The following TEX2 variants were observed in gnomAD, a reference collection of about 807,000 sequenced individuals.
The protein encoded by TEX2 is testis-expressed protein 2.
Under a neutral mutation model 106.9 loss-of-function variants are expected in TEX2, and 53 were observed. The observed-to-expected ratio is 0.50, with a 90% CI of 0.40 to 0.62. TEX2 has a LOEUF of 0.62. TEX2 is among the 20% of genes least tolerant of loss of function. The pLI, the probability that TEX2 is intolerant of heterozygous loss-of-function variation, is 0.00. For missense variants in TEX2, 1,207 were observed against 1,379.0 expected (o/e 0.88, Z 1.98); for synonymous variants, 523 against 534.8 (o/e 0.98, Z 0.30).
At chr17:64,221,271 T>C (rs2033352129) in intron 1 of TEX2, among the ~76,000 whole-genome samples, 1 of 152,116 alleles carries the variant, frequency 6.6e-6, no homozygotes, top group South Asian at 2.1e-4. Flanking sequence ...AACACCTAGG[T>C]TGACAGGTGC....
intron 1 of TEX2, among the ~76,000 whole-genome samples, chr17:64,229,216 T>A (rs900272370): frequency 3.2e-4 from 49 of 152,338 alleles, no homozygotes; most frequent in Admixed American, 3.1e-3. Flanking sequence ...TTTACTCTCC[T>A]AATTAACATT....
At chr17:64,190,255 C>T (rs2143875506) in intron 4 of TEX2, among the ~76,000 whole-genome samples, 1 of 151,894 alleles carries the variant, frequency 6.6e-6, no homozygotes, top group Non-Finnish European at 1.5e-5. Flanking sequence ...ATAAAAGCTA[C>T]ATCAAAAACA....
chr17:64,206,724 C>T lies in TEX2; in HGVS notation c.1644+5850G>A, dbSNP rs181439983. ...GATTACAGGCATGCCCCACCACACC[C>T]GGCTAATTTTGTATTTTTAGCAGAG... On this transcript the variant is annotated intron_variant, in intron 2 of 11. Transcript: ENST00000584379. 4.0e-3 allele frequency among the ~76,000 whole-genome samples: 602 copies of T among 152,136 alleles called. 4 individuals are homozygous for T. Among genetic ancestry groups the T allele is most frequent in the African/African-American group, 0.014 (579 of 41,496 alleles).
chr17:64,241,966 A>G (rs1407338531), intron 1 of TEX2, among the ~76,000 whole-genome samples: 2 of 152,136 alleles, frequency 1.3e-5, no homozygotes, highest in African/African-American at 2.4e-5. Flanking sequence ...ACTGTCTGAC[A>G]TTGCCTACCT....
chr17:64,173,949 G>C (rs1334500952), intron 6 of TEX2, among the ~76,000 whole-genome samples: 1 of 152,018 alleles, frequency 6.6e-6, no homozygotes, highest in African/African-American at 2.4e-5. Context: ...GGGGTGAAGC[G>C]ATCCTCCCAC....
intron 7 of TEX2, among the ~76,000 whole-genome samples, chr17:64,168,902 C>CTTTTTTTTTTTTTTTTTT (rs3070736): frequency 9.3e-6 from 1 of 106,968 alleles, no homozygotes; most frequent in Non-Finnish European, 1.8e-5. Context: ...ATAGATGGTG[C>CTTTTTTTTTTTTTTTTTT]TTTTTTTTTT....
intron 2 of TEX2, among the ~76,000 whole-genome samples, chr17:64,210,639 T>A (rs1482925847): frequency 1.6e-4 from 23 of 139,834 alleles, no homozygotes; most frequent in Non-Finnish European, 3.2e-4. Flanking sequence ...CCCAGCTTTT[T>A]TTTTTTTTTT....
intron 1 of TEX2, among the ~76,000 whole-genome samples, chr17:64,226,852 G>A (rs1321707844): frequency 6.6e-6 from 1 of 152,032 alleles, no homozygotes; most frequent in Non-Finnish European, 1.5e-5. Flanking sequence ...TATAAAAGTA[G>A]TATAAAAAAT....
At chr17:64,224,365 A>C (rs1228476910) in intron 1 of TEX2, among the ~76,000 whole-genome samples, 5 of 152,256 alleles carry the variant, frequency 3.3e-5, no homozygotes, top group Non-Finnish European at 7.3e-5. Flanking sequence ...TTTAGCCTAC[A>C]AATCTCAAGT....
At chr17:64,207,454 G>C (rs577915782) in intron 2 of TEX2, among the ~76,000 whole-genome samples, 2 of 152,144 alleles carry the variant, frequency 1.3e-5, no homozygotes, top group African/African-American at 4.8e-5. Context: ...AAAGGCTTCC[G>C]TACCTTCCCT....
intron 5 of TEX2, among the ~76,000 whole-genome samples, chr17:64,181,631 C>G (rs982349034): frequency 2.6e-5 from 4 of 152,128 alleles, no homozygotes; most frequent in East Asian, 1.9e-4. Context: ...GAGGCTACCT[C>G]AGCCTCCCAA....
intron 1 of TEX2, among the ~76,000 whole-genome samples, chr17:64,252,692 A>G (rs2034114221): frequency 6.6e-6 from 1 of 152,092 alleles, no homozygotes; most frequent in Non-Finnish European, 1.5e-5. Context: ...TCTTTCATTC[A>G]TTCACCCCGA....
At position 64,213,756 on chromosome 17, in the gene TEX2, A is replaced by G; in HGVS notation, c.462T>C (p.Ser154=). 5.0e-6 allele frequency: 8 copies of G among 1,614,194 alleles called. No homozygotes were observed. The highest frequency in any genetic ancestry group is 6.8e-6 in the Non-Finnish European group (8 of 1,180,032). Reference sequence around the variant, plus strand: ...GGGAGGAAGAACTGGTTTTCTGCTCAGAAAGGGATGACACACTGGGAGAGC... The same window carrying G: ...GGGAGGAAGAACTGGTTTTCTGCTCGGAAAGGGATGACACACTGGGAGAGC... ...LASSPSVSSL[S]EQKTSSSSPL... The change falls in exon 2 of 12, where the codon TCT becomes TCC. Residue 154 remains serine (S), a synonymous_variant. Coordinates refer to ENST00000584379, the MANE Select transcript of TEX2 (RefSeq NM_001288732.2). This position sits in a 1 kb window ranked among gnomAD's most constrained non-coding sequence, Gnocchi z 4.4.
At chr17:64,241,194 G>T (rs1252337042) in intron 1 of TEX2, among the ~76,000 whole-genome samples, 1 of 152,204 alleles carries the variant, frequency 6.6e-6, no homozygotes, top group Non-Finnish European at 1.5e-5. Context: ...CATGCGTCTG[G>T]AAGACAGTTG....
rs781945232 is a variant in TEX2 at position 64,214,083 on chromosome 17, C to T, written c.135G>A (p.Glu45=). 8 of 1,614,192 alleles carry T rather than the reference C, an allele frequency of 5.0e-6. No homozygotes were observed. Among genetic ancestry groups the T allele is most frequent in the Non-Finnish European group, 6.8e-6 (8 of 1,180,018 alleles). ...AIHFSASGEE[E]EEEEEEFREY... is the part of the protein sequence containing the mutation. The stretch of plus-strand genomic sequence containing the variant: ...CCCTGAACTCCTCCTCCTCTTCCTC[C>T]TCCTCCTCGCCGGATGCCGAGAAGT... The change falls in exon 2 of 12, where the codon GAG becomes GAA. Residue 45 remains glutamate (E), a synonymous_variant. Transcript: ENST00000584379.
intron 1 of TEX2, among the ~76,000 whole-genome samples, chr17:64,231,318 CCTCA>C (rs2033652222): frequency 6.9e-6 from 1 of 145,792 alleles, no homozygotes; most frequent in Non-Finnish European, 1.5e-5. Flanking sequence ...CACTTCTCAG[CCTCA>C]CTAAGAATCT....
chr17:64,226,118 AT>A (rs1422172261), intron 1 of TEX2, among the ~76,000 whole-genome samples: 1 of 152,178 alleles, frequency 6.6e-6, no homozygotes, highest in Non-Finnish European at 1.5e-5. Context: ...TTTTGCATCC[AT>A]TTTAAAGTTT....
At chr17:64,241,188 C>T (rs782445221) in intron 1 of TEX2, among the ~76,000 whole-genome samples, 17 of 152,162 alleles carry the variant, frequency 1.1e-4, no homozygotes, top group Non-Finnish European at 1.9e-4. Flanking sequence ...TCGGTTCATG[C>T]GTCTGGAAGA....
intron 1 of TEX2, among the ~76,000 whole-genome samples, chr17:64,249,703 G>T (rs2034055802): frequency 6.6e-6 from 1 of 152,080 alleles, no homozygotes; most frequent in Non-Finnish European, 1.5e-5. Flanking sequence ...AACTCAAGAT[G>T]TGTTTTTTCT....
Sources: allele counts gnomAD v4.1 joint callset (sites outside exome capture counted in the v4.1 genomes callset), GRCh38; gene constraint gnomAD v4.1.1; non-coding constraint Gnocchi (gnomAD v3.1); transcripts MANE v1.5; gene names NCBI Gene and HGNC (gene_info 2026-07-23, HGNC 2026-07-21).